The following NDFIP1 variants were observed in gnomAD, a reference collection of about 807,000 sequenced individuals.
The protein encoded by NDFIP1 is Nedd4 family interacting protein 1, also known as NEDD4 family-interacting protein 1.
In NDFIP1, 7 loss-of-function variants were observed where a neutral mutation model predicts 28.8. The observed-to-expected ratio is 0.24, with a 90% CI of 0.14 to 0.46. The LOEUF (loss-of-function observed/expected upper bound fraction) is 0.46. Ranked by LOEUF, NDFIP1 falls within the 20% of genes least tolerant of loss-of-function variation. NDFIP1 has a pLI of 0.99. For synonymous variants in NDFIP1, 92 were observed against 101.0 expected, an observed-to-expected ratio of 0.91 and a Z score of 0.53; for missense variants, 194 against 269.1, an observed-to-expected ratio of 0.72 and a Z score of 1.95.
chr5:142,138,432 G>A (rs964512895), intron 5 of NDFIP1, among the ~76,000 whole-genome samples: 1 of 152,220 alleles, frequency 6.6e-6, no homozygotes, highest in African/African-American at 2.4e-5. Context: ...TTTGCATGAA[G>A]TAATTTACAG....
chr5:142,142,223 A>G (rs1305836230), intron 6 of NDFIP1, among the ~76,000 whole-genome samples: 1 of 152,182 alleles, frequency 6.6e-6, no homozygotes, highest in South Asian at 2.1e-4. Flanking sequence ...TAGAAAACAT[A>G]AATCATTCAT....
At chr5:142,132,387 T>G in intron 3 of NDFIP1, 45 bp downstream of exon 3, 2 of 1,581,520 alleles carry the variant, frequency 1.3e-6, no homozygotes, top group Non-Finnish European at 1.7e-6. Flanking sequence ...TCTGTGGGAA[T>G]TAAGTTATTT....
intron 1 of NDFIP1, among the ~76,000 whole-genome samples, chr5:142,111,931 G>A (rs1411534990): frequency 1.3e-5 from 2 of 152,128 alleles, no homozygotes; most frequent in Non-Finnish European, 2.9e-5. Flanking sequence ...GCCAGGTGTG[G>A]TGGCACTCAC....
In NDFIP1 at chr5:142,137,013, G is replaced by A. The variant is rs1297371175; in HGVS notation, c.371-721G>A. Reference sequence around the variant, plus strand: ...TTGAACCTGGGAGGCAGAGATTGCAGTGAGCCAAGGTCGTGCTACTGCACT... The same window carrying A: ...TTGAACCTGGGAGGCAGAGATTGCAATGAGCCAAGGTCGTGCTACTGCACT... On this transcript the variant is annotated intron_variant, in intron 4 of 7. Transcript: ENST00000253814. 3.4e-5 allele frequency among the ~76,000 whole-genome samples: 5 copies of A among 148,544 alleles called. No homozygotes were observed. In the East Asian group the frequency reaches 1.0e-3, roughly 31 times the overall value.
chr5:142,142,935 AAAAAAAT>A (rs1165985691), intron 6 of NDFIP1: 28 of 73,546 alleles, frequency 3.8e-4, no homozygotes, highest in African/African-American at 1.2e-3. Context: ...AAAAAAAAAA[AAAAAAAT>A]ATATATATAT....
intron 5 of NDFIP1, among the ~76,000 whole-genome samples, chr5:142,138,458 G>A (rs1465036693): frequency 6.6e-6 from 1 of 152,150 alleles, no homozygotes; most frequent in Non-Finnish European, 1.5e-5. Flanking sequence ...AAAGATCTAG[G>A]CTTTTAAAGT....
At chr5:142,151,361 A>G (rs1194540619) in intron 7 of NDFIP1, among the ~76,000 whole-genome samples, 2 of 152,186 alleles carry the variant, frequency 1.3e-5, no homozygotes, top group African/African-American at 4.8e-5. Context: ...TAGGAAAATT[A>G]CTTGTGCACT....
chr5:142,148,597 A>G (rs1383979091), intron 7 of NDFIP1, among the ~76,000 whole-genome samples: 1 of 151,960 alleles, frequency 6.6e-6, no homozygotes, highest in African/African-American at 2.4e-5. Context: ...CTAAAGATAC[A>G]AAAATTATCT....
At chr5:142,150,725 AAAAAAAAAAAG>A (rs1213431881) in intron 7 of NDFIP1, among the ~76,000 whole-genome samples, 1 of 151,042 alleles carries the variant, frequency 6.6e-6, no homozygotes, top group Non-Finnish European at 1.5e-5. Flanking sequence ...TGTCTCCAAA[AAAAAAAAAAAG>A]AAAAGAAAAG....
intron 7 of NDFIP1, among the ~76,000 whole-genome samples, chr5:142,147,594 C>T (rs1187879989): frequency 6.6e-6 from 1 of 152,108 alleles, no homozygotes; most frequent in Non-Finnish European, 1.5e-5. Context: ...TTCTTTGTTG[C>T]AGCATTGTTA....
At chr5:142,114,422 G>A (rs1757045699) in intron 1 of NDFIP1, among the ~76,000 whole-genome samples, 2 of 151,886 alleles carry the variant, frequency 1.3e-5, no homozygotes, top group Non-Finnish European at 2.9e-5. Context: ...TTTTGTTGTC[G>A]AGTTGTAGGA....
chr5:142,118,482 C>A (rs1187028574), intron 1 of NDFIP1, among the ~76,000 whole-genome samples: 1 of 152,126 alleles, frequency 6.6e-6, no homozygotes, highest in Non-Finnish European at 1.5e-5. Flanking sequence ...AAGTGCTGTT[C>A]TCATCACATC....
intron 7 of NDFIP1, 41 bp from the exon 8 acceptor site, chr5:142,151,690 A>G (rs1027776147): frequency 6.6e-6 from 1 of 152,578 alleles, no homozygotes; most frequent in African/African-American, 2.4e-5. Flanking sequence ...CAAAATAACA[A>G]GCTAACTAGA....
intron 7 of NDFIP1, among the ~76,000 whole-genome samples, chr5:142,149,956 C>T (rs1025499584): frequency 2.6e-5 from 4 of 152,114 alleles, no homozygotes; most frequent in Admixed American, 2.0e-4. Context: ...CCAAGGCGGG[C>T]AGATCACGAG....
chr5:142,148,313 A>G (rs1757411725), intron 7 of NDFIP1, among the ~76,000 whole-genome samples: 1 of 152,214 alleles, frequency 6.6e-6, no homozygotes, highest in Non-Finnish European at 1.5e-5. Flanking sequence ...TACTACTATC[A>G]TAGGGGCAGC....
chr5:142,115,406 C>G (rs1303126457), intron 1 of NDFIP1, among the ~76,000 whole-genome samples: 1 of 152,094 alleles, frequency 6.6e-6, no homozygotes, highest in Non-Finnish European at 1.5e-5. Flanking sequence ...GCCTCAGCCT[C>G]CTGAGTAGCT....
chr5:142,148,153 A>G (rs567692236), intron 7 of NDFIP1, among the ~76,000 whole-genome samples: 1 of 152,322 alleles, frequency 6.6e-6, no homozygotes, highest in Non-Finnish European at 1.5e-5. Flanking sequence ...AAGATTTGGC[A>G]TTTTACTAGA....
chr5:142,115,360 T>G (rs1344965714), intron 1 of NDFIP1, among the ~76,000 whole-genome samples: 1 of 152,172 alleles, frequency 6.6e-6, no homozygotes, highest in African/African-American at 2.4e-5. Flanking sequence ...CTCGGCTCAC[T>G]GCAACCTCCG....
intron 1 of NDFIP1, among the ~76,000 whole-genome samples, chr5:142,120,343 C>G (rs1193452847): frequency 6.6e-6 from 1 of 152,172 alleles, no homozygotes; most frequent in Non-Finnish European, 1.5e-5. Flanking sequence ...CTCATTTTCA[C>G]TTGTACTTCT....
Sources: gnomAD v4.1 joint callset for allele counts (sites outside exome capture counted in the v4.1 genomes callset) on GRCh38, gnomAD v4.1.1 for gene constraint, MANE v1.5 for transcripts, NCBI Gene and HGNC (gene_info 2026-07-23, HGNC 2026-07-21) for gene names.